MAP3K5: variants seen among roughly 807,000 people sequenced by gnomAD.
The protein encoded by MAP3K5 is mitogen-activated protein kinase kinase kinase 5, also known as ASK-1.
In MAP3K5, 56 loss-of-function variants were observed where a neutral mutation model predicts 158.7. That is an observed-to-expected ratio of 0.35 (90% CI 0.28 to 0.44). MAP3K5 has a LOEUF of 0.44. MAP3K5 is among the 20% of genes least tolerant of loss of function. The probability of loss-of-function intolerance (pLI) is 1.00; values close to 1 mark genes in which losing one functional copy is unlikely to be tolerated. For missense variants in MAP3K5, 1,294 were observed against 1,674.8 expected (o/e 0.77, Z 3.97); for synonymous variants, 579 against 601.7 (o/e 0.96, Z 0.55).
chr6:136,592,760 G>A (rs1192938967), intron 21 of MAP3K5, 146 bp from the exon 22 acceptor site: 1 of 773,786 alleles, frequency 1.3e-6, no homozygotes, highest in Non-Finnish European at 2.2e-6. Flanking sequence ...GAACGGTCAT[G>A]TGTTATGACT....
intron 20 of MAP3K5, 66 bp downstream of exon 20, chr6:136,601,736 T>C (rs532620863): frequency 6.8e-7 from 1 of 1,475,368 alleles, no homozygotes; most frequent in South Asian, 1.3e-5. Flanking sequence ...TTCCGGAAAA[T>C]TCTTCCATCT....
At chr6:136,564,142 C>T (rs1285804906) in intron 26 of MAP3K5, among the ~76,000 whole-genome samples, 5 of 152,122 alleles carry the variant, frequency 3.3e-5, no homozygotes, top group Non-Finnish European at 7.4e-5. Flanking sequence ...AGTGTCTGGT[C>T]TTTAATAAGG....
At chr6:136,731,103 A>G (rs1386629045) in intron 1 of MAP3K5, among the ~76,000 whole-genome samples, 1 of 152,146 alleles carries the variant, frequency 6.6e-6, no homozygotes, top group Admixed American at 6.5e-5. Flanking sequence ...TAAAAGTCAC[A>G]ATGGCGCACG....
intron 15 of MAP3K5, among the ~76,000 whole-genome samples, chr6:136,617,548 C>G (rs1038642997): frequency 6.6e-6 from 1 of 152,082 alleles, no homozygotes; most frequent in Non-Finnish European, 1.5e-5. Context: ...CAGGACCACC[C>G]CAGGATTTCT....
At chr6:136,753,510 C>G (rs1257624459) in intron 1 of MAP3K5, among the ~76,000 whole-genome samples, 1 of 150,616 alleles carries the variant, frequency 6.6e-6, no homozygotes, top group African/African-American at 2.4e-5. Context: ...TTTTTTTTTC[C>G]GGAATCTAAA....
chr6:136,562,497 A>C lies in MAP3K5; in HGVS notation c.3874+6T>G. On this transcript the variant is annotated splice_donor_region_variant and intron_variant, in intron 27 of 29. Transcript: ENST00000359015. The stretch of plus-strand genomic sequence containing the variant: ...CAGTATTACTATAAAACTTTCTGCT[A>C]TTCACCTATGGGTTGGGACTTAAGC... 1 of 1,491,276 alleles carries C rather than the reference A, an allele frequency of 6.7e-7. No individual in the cohort carries two copies. Among genetic ancestry groups the C allele is most frequent in the East Asian group, 2.4e-5 (1 of 40,830 alleles). The allele number at this position is 1,491,276 out of a possible 1,614,324, so 92.4% of individuals were successfully genotyped here. A position where few individuals can be genotyped will look rare whatever the true frequency, so the allele number is the denominator to read the frequency against.
At chr6:136,749,314 A>G (rs935214151) in intron 1 of MAP3K5, among the ~76,000 whole-genome samples, 2 of 151,636 alleles carry the variant, frequency 1.3e-5, no homozygotes, top group Non-Finnish European at 1.5e-5. Flanking sequence ...CAGAGGTTGC[A>G]GTGAGCCAAG....
At chr6:136,784,492 C>T (rs984429012) in intron 1 of MAP3K5, among the ~76,000 whole-genome samples, 21 of 152,158 alleles carry the variant, frequency 1.4e-4, no homozygotes, top group African/African-American at 5.1e-4. Context: ...GTGAACAGCT[C>T]AGAGAAAAAC....
At chr6:136,731,815 T>C (rs1244643212) in intron 1 of MAP3K5, among the ~76,000 whole-genome samples, 1 of 152,044 alleles carries the variant, frequency 6.6e-6, no homozygotes, top group Non-Finnish European at 1.5e-5. Context: ...GAACAAAAGG[T>C]GATAAACGTT....
intron 2 of MAP3K5, among the ~76,000 whole-genome samples, chr6:136,706,894 T>C (rs1264753630): frequency 1.3e-5 from 2 of 152,162 alleles, no homozygotes; most frequent in Non-Finnish European, 2.9e-5. Context: ...CGCCTGTAAA[T>C]CTCAGCGCTT....
intron 8 of MAP3K5, among the ~76,000 whole-genome samples, chr6:136,667,156 C>T (rs1460989691): frequency 1.3e-5 from 2 of 152,030 alleles, no homozygotes; most frequent in Non-Finnish European, 2.9e-5. Flanking sequence ...TTCAACAAAA[C>T]CTCACCTTGA....
At chr6:136,560,775 C>T (rs1830472946) in intron 28 of MAP3K5, among the ~76,000 whole-genome samples, 1 of 151,568 alleles carries the variant, frequency 6.6e-6, no homozygotes, top group African/African-American at 2.4e-5. Context: ...TAGCGAGACC[C>T]TATCTCTAAA....
At chr6:136,719,904 T>C (rs576487537) in intron 2 of MAP3K5, among the ~76,000 whole-genome samples, 1 of 152,346 alleles carries the variant, frequency 6.6e-6, no homozygotes, top group South Asian at 2.1e-4. Context: ...AATGCCTTTA[T>C]AGCAGTAAGC....
intron 1 of MAP3K5, among the ~76,000 whole-genome samples, chr6:136,786,515 G>C (rs1044196302): frequency 6.6e-6 from 1 of 152,154 alleles, no homozygotes; most frequent in Non-Finnish European, 1.5e-5. Context: ...GCAAAGAAGG[G>C]GTATTGTCAG....
At chr6:136,662,772 A>G (rs1272437704) in intron 8 of MAP3K5, among the ~76,000 whole-genome samples, 1 of 152,204 alleles carries the variant, frequency 6.6e-6, no homozygotes, top group Non-Finnish European at 1.5e-5. Flanking sequence ...GTTCAGTTGT[A>G]CCTTTTTAAC....
chr6:136,789,243 G>C (rs537547419), intron 1 of MAP3K5, among the ~76,000 whole-genome samples: 1 of 152,226 alleles, frequency 6.6e-6, no homozygotes, highest in African/African-American at 2.4e-5. Context: ...CCAGGAGTTC[G>C]AGCTAGCAGC....
intron 21 of MAP3K5, among the ~76,000 whole-genome samples, chr6:136,593,308 G>C (rs1489130821): frequency 6.6e-6 from 1 of 152,222 alleles, no homozygotes; most frequent in Non-Finnish European, 1.5e-5. Context: ...CAGTGGAGTT[G>C]CCTATATTTC....
intron 15 of MAP3K5, among the ~76,000 whole-genome samples, chr6:136,616,778 G>A (rs1468166229): frequency 2.0e-5 from 3 of 151,920 alleles, no homozygotes; most frequent in African/African-American, 7.3e-5. Context: ...ACCCAGGCTG[G>A]AATGCAGTGG....
intron 7 of MAP3K5, among the ~76,000 whole-genome samples, chr6:136,673,720 A>G (rs911544335): frequency 2.0e-4 from 30 of 151,748 alleles, no homozygotes; most frequent in African/African-American, 6.5e-4. Flanking sequence ...GAAAAAAAAA[A>G]AAAAGAAAAC....
Sources: gnomAD v4.1 joint callset for allele counts (sites outside exome capture counted in the v4.1 genomes callset) on GRCh38, gnomAD v4.1.1 for gene constraint, MANE v1.5 for transcripts, NCBI Gene and HGNC (gene_info 2026-07-23, HGNC 2026-07-21) for gene names.